Variants in VAV3 observed in about 807,000 individuals in gnomAD.
VAV3 encodes vav guanine nucleotide exchange factor 3.
In VAV3, 94 loss-of-function variants were observed where a neutral mutation model predicts 131.2. The ratio of observed to expected loss-of-function variants is 0.72; its 90% CI spans 0.61 to 0.85. The LOEUF (loss-of-function observed/expected upper bound fraction) is 0.85. Ranked by LOEUF, VAV3 falls within the 40% of genes least tolerant of loss-of-function variation. The pLI is 0.00. For missense variants in VAV3, 939 were observed against 1,002.7 expected, an observed-to-expected ratio of 0.94 and a Z score of 0.86; for synonymous variants, 349 against 342.0, an observed-to-expected ratio of 1.02 and a Z score of -0.22.
rs113999631 is a variant in VAV3 at position 107,931,203 on chromosome 1, A to C, written c.204+33463T>G. 5.4e-3 allele frequency among the ~76,000 whole-genome samples: 817 copies of C among 152,278 alleles called. 5 individuals carry two copies. The highest frequency in any genetic ancestry group is 0.018 in the African/African-American group (757 of 41,550). ...GACTGTATGTTAGATTATAATAAGA[A>C]ATTGCTCACTTTGTTAGATGTGATA... On this transcript the variant is annotated intron_variant, in intron 1 of 26. Coordinates refer to ENST00000370056, the MANE Select transcript of VAV3 (RefSeq NM_006113.5).
intron 3 of VAV3, among the ~76,000 whole-genome samples, chr1:107,778,362 C>A (rs148281930): frequency 1.3e-5 from 2 of 151,660 alleles, no homozygotes; most frequent in African/African-American, 4.9e-5. Context: ...TTTTGACTTA[C>A]GTTTTTTCAG....
intron 8 of VAV3, among the ~76,000 whole-genome samples, chr1:107,766,203 G>A (rs1373911745): frequency 6.6e-5 from 10 of 151,952 alleles, no homozygotes; most frequent in African/African-American, 1.2e-4. Context: ...TTTGATTTGC[G>A]ATGCAAAAAA....
intron 19 of VAV3, among the ~76,000 whole-genome samples, chr1:107,643,685 A>G (rs771587234): frequency 5.3e-5 from 8 of 152,188 alleles, no homozygotes; most frequent in Non-Finnish European, 8.8e-5. Flanking sequence ...CTAAACATGT[A>G]AAGAAGGATG....
chr1:107,579,246 A>T (rs1044630480), intron 25 of VAV3, among the ~76,000 whole-genome samples: 4 of 152,164 alleles, frequency 2.6e-5, no homozygotes, highest in African/African-American at 7.2e-5. Flanking sequence ...CACTTAAACT[A>T]ATGTTTTTCC....
chr1:107,591,012 C>T (rs929641689), intron 25 of VAV3, among the ~76,000 whole-genome samples: 1 of 152,154 alleles, frequency 6.6e-6, no homozygotes, highest in Non-Finnish European at 1.5e-5. Context: ...TCAGAATCCA[C>T]TTACTATACT....
intron 1 of VAV3, among the ~76,000 whole-genome samples, chr1:107,913,386 C>A (rs1008709338): frequency 1.3e-5 from 2 of 152,194 alleles, no homozygotes; most frequent in Admixed American, 6.5e-5. Flanking sequence ...AGTGTATACA[C>A]AACCAAGAGT....
chr1:107,729,406 CAAA>C (rs1442333804), intron 15 of VAV3, among the ~76,000 whole-genome samples: 1 of 151,698 alleles, frequency 6.6e-6, no homozygotes, highest in Non-Finnish European at 1.5e-5. Context: ...GGAAAAGAAA[CAAA>C]GAAAAATGCA....
chr1:107,929,308 T>A lies in VAV3; in HGVS notation c.204+35358A>T, dbSNP rs967090865. On this transcript the variant is annotated intron_variant, in intron 1 of 26. Transcript: ENST00000370056. ...GTCTCAAAAAAAAAAAAAAAAAAAA[T>A]TATGCCCTAGAACAGTATATTCAGT... 7.3e-3 allele frequency among the ~76,000 whole-genome samples: 328 copies of A among 45,218 alleles called. 2 individuals carry two copies. The highest frequency in any genetic ancestry group is 0.015 in the Non-Finnish European group (214 of 14,430). The allele number at this position is 45,218 out of a possible 152,430, so 29.7% of individuals were successfully genotyped here. A position where few individuals can be genotyped will look rare whatever the true frequency, so the allele number is the denominator to read the frequency against.
intron 15 of VAV3, among the ~76,000 whole-genome samples, chr1:107,720,924 G>A (rs1018605866): frequency 1.3e-5 from 2 of 152,152 alleles, no homozygotes; most frequent in African/African-American, 2.4e-5. Flanking sequence ...GAGAAGATAA[G>A]GTATGAGAGG....
At chr1:107,813,309 A>G (rs767808085) in intron 2 of VAV3, among the ~76,000 whole-genome samples, 5 of 152,190 alleles carry the variant, frequency 3.3e-5, no homozygotes, top group Non-Finnish European at 5.9e-5. Context: ...CTGAAAGAAC[A>G]GAGATGGCCT....
intron 2 of VAV3, among the ~76,000 whole-genome samples, chr1:107,795,932 T>A (rs1666517222): frequency 6.6e-6 from 1 of 152,212 alleles, no homozygotes; most frequent in Non-Finnish European, 1.5e-5. Context: ...CCCATACTGA[T>A]CTCACCTCAT....
At chr1:107,593,626 T>C (rs981468523) in intron 25 of VAV3, among the ~76,000 whole-genome samples, 1 of 152,126 alleles carries the variant, frequency 6.6e-6, no homozygotes, top group Non-Finnish European at 1.5e-5. Flanking sequence ...TATGAAGACA[T>C]CTTGCACAAT....
chr1:107,897,365 C>T (rs1016107888), intron 1 of VAV3: 7 of 150,978 alleles, frequency 4.6e-5, no homozygotes, highest in African/African-American at 1.7e-4. Flanking sequence ...ACAGAGAAAA[C>T]CATGAGAATT....
intron 15 of VAV3, among the ~76,000 whole-genome samples, chr1:107,732,776 G>T (rs537931370): frequency 1.3e-5 from 2 of 152,114 alleles, no homozygotes; most frequent in Admixed American, 6.5e-5. Context: ...CTCCACCTCT[G>T]GGGGCAGGGC....
At chr1:107,769,237 C>T (rs192242602) in intron 6 of VAV3, among the ~76,000 whole-genome samples, 31 of 152,278 alleles carry the variant, frequency 2.0e-4, no homozygotes, top group Admixed American at 3.3e-4. Flanking sequence ...AATCCCCTTA[C>T]CTTCTCTTCT....
intron 20 of VAV3, among the ~76,000 whole-genome samples, chr1:107,637,480 G>A (rs753601712): frequency 1.1e-4 from 17 of 152,052 alleles, no homozygotes; most frequent in African/African-American, 1.7e-4. Context: ...AAAATTAGCC[G>A]GGCATGGTGA....
chr1:107,930,088 C>CA (rs755046808), intron 1 of VAV3, among the ~76,000 whole-genome samples: 48 of 148,084 alleles, frequency 3.2e-4, no homozygotes, highest in African/African-American at 1.1e-3. Context: ...TTAATGGGTA[C>CA]AAAAAAAAAT....
chr1:107,917,125 A>G (rs74109676), intron 1 of VAV3, among the ~76,000 whole-genome samples: 39 of 152,310 alleles, frequency 2.6e-4, no homozygotes, highest in African/African-American at 8.9e-4. Context: ...GAAGGAAATA[A>G]TCAAAATCTA....
intron 20 of VAV3, among the ~76,000 whole-genome samples, chr1:107,634,190 C>G (rs532328498): frequency 1.6e-4 from 24 of 152,216 alleles, no homozygotes; most frequent in African/African-American, 5.8e-4. Flanking sequence ...AAGAACAAAG[C>G]TGGAGGCATC....
Sources: allele counts gnomAD v4.1 joint callset (sites outside exome capture counted in the v4.1 genomes callset), GRCh38; gene constraint gnomAD v4.1.1; transcripts MANE v1.5; gene names NCBI Gene and HGNC (gene_info 2026-07-23, HGNC 2026-07-21).